Variants in DACH1 observed in about 807,000 individuals in gnomAD.
DACH1 encodes the protein dachshund family transcription factor 1.
Under a neutral mutation model 54.2 loss-of-function variants are expected in DACH1, and 12 were observed. The ratio of observed to expected loss-of-function variants is 0.22; its 90% CI spans 0.14 to 0.36. The LOEUF (loss-of-function observed/expected upper bound fraction) is 0.36. DACH1 is among the 10% of genes least tolerant of loss of function. DACH1 has a pLI of 1.00. For synonymous variants in DACH1, 386 were observed against 366.2 expected, an observed-to-expected ratio of 1.05 and a Z score of -0.62; for missense variants, 805 against 929.8, an observed-to-expected ratio of 0.87 and a Z score of 1.75.
At chr13:71,527,476 T>TA (rs1422336922) in intron 6 of DACH1, among the ~76,000 whole-genome samples, 1 of 152,170 alleles carries the variant, frequency 6.6e-6, no homozygotes. Flanking sequence ...CTTTGATAAC[T>TA]AAGATGGCAT....
chr13:71,585,931 C>T (rs573815254), intron 3 of DACH1, among the ~76,000 whole-genome samples: 1 of 152,176 alleles, frequency 6.6e-6, no homozygotes, highest in South Asian at 2.1e-4. Context: ...TGTTCTCTAT[C>T]ATTAGAGTTT....
intron 3 of DACH1, among the ~76,000 whole-genome samples, chr13:71,589,961 A>G (rs1311268106): frequency 6.6e-6 from 1 of 152,072 alleles, no homozygotes; most frequent in African/African-American, 2.4e-5. Context: ...TGTACATTTT[A>G]AACTATACCT....
chr13:71,615,937 A>G (rs910878314), intron 3 of DACH1, among the ~76,000 whole-genome samples: 3 of 152,126 alleles, frequency 2.0e-5, no homozygotes, highest in African/African-American at 7.2e-5. Flanking sequence ...AACTAATTTA[A>G]CCCAAATAAT....
chr13:71,690,304 G>T (rs1391953201), intron 1 of DACH1, among the ~76,000 whole-genome samples: 2 of 152,142 alleles, frequency 1.3e-5, no homozygotes, highest in Non-Finnish European at 2.9e-5. Context: ...CTACATATAT[G>T]ATTTCTCCCA....
At chr13:71,450,966 A>AACTC (rs1874986451) in intron 10 of DACH1, among the ~76,000 whole-genome samples, 1 of 152,130 alleles carries the variant, frequency 6.6e-6, no homozygotes, top group African/African-American at 2.4e-5. Flanking sequence ...TGATTCTATG[A>AACTC]ACTCAAATCT....
At chr13:71,571,102 T>A (rs983523165) in intron 4 of DACH1, among the ~76,000 whole-genome samples, 1 of 152,224 alleles carries the variant, frequency 6.6e-6, no homozygotes, top group African/African-American at 2.4e-5. Context: ...ATGTTTGCCT[T>A]ATTTATTAAT....
intron 6 of DACH1, among the ~76,000 whole-genome samples, chr13:71,513,935 C>A (rs900711973): frequency 6.6e-6 from 1 of 152,124 alleles, no homozygotes; most frequent in East Asian, 1.9e-4. Context: ...TCAGTGAACA[C>A]TCATTTACCT....
intron 10 of DACH1, among the ~76,000 whole-genome samples, chr13:71,469,139 CT>C (rs2138157435): frequency 6.6e-6 from 1 of 152,278 alleles, no homozygotes; most frequent in Admixed American, 6.5e-5. Context: ...ACCCCATTAA[CT>C]AGTAGTGTGA....
At chr13:71,733,968 G>T (rs1174996099) in intron 1 of DACH1, among the ~76,000 whole-genome samples, 1 of 151,946 alleles carries the variant, frequency 6.6e-6, no homozygotes, top group African/African-American at 2.4e-5. Flanking sequence ...AGAAGCACTT[G>T]AACCTGGGGA....
chr13:71,583,107 T>C (rs1032815173), intron 3 of DACH1, among the ~76,000 whole-genome samples: 1 of 152,146 alleles, frequency 6.6e-6, no homozygotes, highest in Non-Finnish European at 1.5e-5. Flanking sequence ...ATTTAAACAT[T>C]TTTATTCTTT....
chr13:71,669,448 C>T lies in DACH1; in HGVS notation c.964+12347G>A, dbSNP rs529821735. Among the ~76,000 whole-genome samples the T allele has an allele frequency of 8.0e-4, 122 of 152,132 alleles. 1 individual carries two copies. The highest frequency in any genetic ancestry group is 8.2e-4 in the Non-Finnish European group (56 of 68,024). On this transcript the variant is annotated intron_variant, in intron 2 of 10. Transcript: ENST00000613252. Reference sequence around the variant, plus strand: ...TGCCTGATGATCTGTCACTGTCTCCCATCACCTGCAGATGGTGTGGTGAGT... The same window carrying T: ...TGCCTGATGATCTGTCACTGTCTCCTATCACCTGCAGATGGTGTGGTGAGT...
intron 2 of DACH1, among the ~76,000 whole-genome samples, chr13:71,658,070 A>T (rs73521301): frequency 1.1e-3 from 168 of 152,308 alleles, no homozygotes; most frequent in African/African-American, 3.9e-3. Context: ...CTGAACCATA[A>T]CTCTGTAGTC....
At chr13:71,544,351 A>G (rs779978661) in intron 6 of DACH1, among the ~76,000 whole-genome samples, 2 of 152,150 alleles carry the variant, frequency 1.3e-5, no homozygotes, top group African/African-American at 2.4e-5. Context: ...CATTGATTTT[A>G]TTCAAAAACT....
chr13:71,846,628 T>C (rs535165170), intron 1 of DACH1, among the ~76,000 whole-genome samples: 2 of 152,250 alleles, frequency 1.3e-5, no homozygotes, highest in South Asian at 2.1e-4. Context: ...GACTCTTCCA[T>C]AGGTAGGTAG....
At chr13:71,744,828 T>A (rs1045968575) in intron 1 of DACH1, among the ~76,000 whole-genome samples, 2 of 152,232 alleles carry the variant, frequency 1.3e-5, no homozygotes, top group African/African-American at 4.8e-5. Flanking sequence ...AGTGTATATA[T>A]GCTTTAGCAA....
At chr13:71,534,471 A>T (rs1368784980) in intron 6 of DACH1, among the ~76,000 whole-genome samples, 1 of 151,934 alleles carries the variant, frequency 6.6e-6, no homozygotes, top group Non-Finnish European at 1.5e-5. Context: ...TATGAAAAGT[A>T]AAAACATATT....
intron 1 of DACH1, among the ~76,000 whole-genome samples, chr13:71,731,059 T>G (rs540816525): frequency 6.6e-6 from 1 of 152,070 alleles, no homozygotes. Flanking sequence ...ATAAAGATGG[T>G]GAGAATGAAC....
At chr13:71,467,718 T>G (rs1196694261) in intron 10 of DACH1, among the ~76,000 whole-genome samples, 1 of 152,116 alleles carries the variant, frequency 6.6e-6, no homozygotes. Flanking sequence ...ATATCACCTT[T>G]TGTTCAATTT....
intron 1 of DACH1, among the ~76,000 whole-genome samples, chr13:71,702,476 T>C (rs551015055): frequency 6.6e-6 from 1 of 152,286 alleles, no homozygotes; most frequent in Admixed American, 6.5e-5. Context: ...AACAGTCCTA[T>C]AAAACAATAA....
Sources: allele counts gnomAD v4.1 joint callset (sites outside exome capture counted in the v4.1 genomes callset), GRCh38; gene constraint gnomAD v4.1.1; transcripts MANE v1.5; gene names NCBI Gene and HGNC (gene_info 2026-07-23, HGNC 2026-07-21).